Variants in C1QTNF3 observed in about 807,000 individuals in gnomAD.
The protein encoded by C1QTNF3 is C1q and TNF related 3.
Under a neutral mutation model 32.6 loss-of-function variants are expected in C1QTNF3, and 26 were observed. That is an observed-to-expected ratio of 0.80 (90% confidence interval 0.58 to 1.11). The LOEUF (loss-of-function observed/expected upper bound fraction) is 1.11, where lower values mean the gene tolerates loss of function less well. C1QTNF3 is among the 50% of genes least tolerant of loss of function. The pLI, the probability that C1QTNF3 is intolerant of heterozygous loss-of-function variation, is 0.00. For missense variants in C1QTNF3, 362 were observed against 398.2 expected (o/e 0.91, Z 0.77); for synonymous variants, 155 against 146.0 (o/e 1.06, Z -0.44).
chr5:34,079,297 A>G, the C1QTNF3 span, among the ~76,000 whole-genome samples: 16 of 151,538 alleles, frequency 1.1e-4, no homozygotes, highest in African/African-American at 4.9e-5. Context: ...CTCACCTACT[A>G]TCTTCCAATC....
chr5:34,154,925 T>C, the C1QTNF3 span, among the ~76,000 whole-genome samples: 1 of 152,192 alleles, frequency 6.6e-6, no homozygotes, highest in Non-Finnish European at 1.5e-5. Context: ...CACTGGTGTA[T>C]GCATGAAGCA....
chr5:34,081,178 G>A, the C1QTNF3 span, among the ~76,000 whole-genome samples: 5,004 of 151,630 alleles, frequency 0.033, 445 homozygotes, highest in African/African-American at 0.12. Context: ...TACAGTAGGC[G>A]CAGTGCCTAA....
At chr5:34,028,134 G>A (rs950386729) in intron 4 of C1QTNF3, among the ~76,000 whole-genome samples, 9 of 152,062 alleles carry the variant, frequency 5.9e-5, no homozygotes, top group African/African-American at 2.2e-4. Flanking sequence ...CACCACGCCC[G>A]GCTAATATTT....
chr5:34,133,941 C>A, the C1QTNF3 span, among the ~76,000 whole-genome samples: 1 of 152,152 alleles, frequency 6.6e-6, no homozygotes, highest in Non-Finnish European at 1.5e-5. Flanking sequence ...ACATATTTTT[C>A]TTTAGCCCAG....
At chr5:34,223,936 G>A in the C1QTNF3 span, among the ~76,000 whole-genome samples, 176 of 151,676 alleles carry the variant, frequency 1.2e-3, no homozygotes, top group Non-Finnish European at 2.1e-3. Context: ...TTAAGCTGAT[G>A]AGCAACTTCA....
At chr5:34,050,451 T>C in the C1QTNF3 span, among the ~76,000 whole-genome samples, 2 of 152,194 alleles carry the variant, frequency 1.3e-5, no homozygotes, top group African/African-American at 4.8e-5. Flanking sequence ...CAGACACTGT[T>C]TGTTGTTATT....
chr5:34,211,607 G>T, the C1QTNF3 span, among the ~76,000 whole-genome samples: 3 of 135,600 alleles, frequency 2.2e-5, no homozygotes, highest in African/African-American at 8.5e-5. Flanking sequence ...TGTTCTCATT[G>T]TTCAATTCCC....
At chr5:34,089,143 T>A in the C1QTNF3 span, among the ~76,000 whole-genome samples, 1 of 152,330 alleles carries the variant, frequency 6.6e-6, no homozygotes, top group South Asian at 2.1e-4. Context: ...AAATCTCTCC[T>A]GATTCTGTGG....
At chr5:34,157,534 C>G in the C1QTNF3 span, among the ~76,000 whole-genome samples, 10 of 152,090 alleles carry the variant, frequency 6.6e-5, no homozygotes, top group Admixed American at 6.5e-4. Flanking sequence ...TGATTAAGTA[C>G]CTTGAGATGA....
the C1QTNF3 span, among the ~76,000 whole-genome samples, chr5:34,176,862 T>C: frequency 9.1e-3 from 1,366 of 150,712 alleles, 16 homozygotes; most frequent in African/African-American, 0.031. Context: ...ATCTCATGAA[T>C]GAATGAATGA....
At chr5:34,178,216 G>A in the C1QTNF3 span, among the ~76,000 whole-genome samples, 24 of 151,792 alleles carry the variant, frequency 1.6e-4, no homozygotes, top group African/African-American at 5.8e-4. Context: ...GGGAGGCGGA[G>A]GTAGCAGTGA....
chr5:34,141,557 T>G, the C1QTNF3 span, among the ~76,000 whole-genome samples: 6 of 152,196 alleles, frequency 3.9e-5, no homozygotes, highest in African/African-American at 1.4e-4. Context: ...TTTTTGATAG[T>G]AGCCATCATC....
At chr5:34,056,153 T>C in the C1QTNF3 span, among the ~76,000 whole-genome samples, 1 of 152,072 alleles carries the variant, frequency 6.6e-6, no homozygotes, top group Non-Finnish European at 1.5e-5. Context: ...TCTGCTTTGA[T>C]TGAAAATTAT....
At chr5:34,066,643 A>T in the C1QTNF3 span, among the ~76,000 whole-genome samples, 1 of 152,138 alleles carries the variant, frequency 6.6e-6, no homozygotes, top group Admixed American at 6.5e-5. Flanking sequence ...AAACTGCAAT[A>T]TTTGAAAATG....
the C1QTNF3 span, among the ~76,000 whole-genome samples, chr5:34,155,387 G>C: frequency 6.6e-6 from 1 of 152,130 alleles, no homozygotes; most frequent in Non-Finnish European, 1.5e-5. Flanking sequence ...ATGTTGCCAA[G>C]TACCTTTTGA....
chr5:34,020,880 A>G, intron 5 of C1QTNF3, 138 bp from the exon 6 acceptor site: 2 of 837,480 alleles, frequency 2.4e-6, no homozygotes, highest in Non-Finnish European at 3.8e-6. Flanking sequence ...GTGAGCAGAA[A>G]TGACCTATGT....
chr5:34,213,777 G>GTATACATA, the C1QTNF3 span, among the ~76,000 whole-genome samples: 1 of 26,514 alleles, frequency 3.8e-5, no homozygotes, highest in South Asian at 1.4e-3. Flanking sequence ...ACACATACGT[G>GTATACATA]TATATATACA....
chr5:34,070,586 C>CA, the C1QTNF3 span, among the ~76,000 whole-genome samples: 2 of 151,910 alleles, frequency 1.3e-5, no homozygotes, highest in African/African-American at 4.8e-5. Flanking sequence ...TTAGAAACCT[C>CA]AAAAAATTCT....
upstream of C1QTNF3, among the ~76,000 whole-genome samples, chr5:34,045,155 T>C (rs963846968): frequency 2.0e-5 from 3 of 152,220 alleles, no homozygotes; most frequent in African/African-American, 7.2e-5. Context: ...AAGAGCTGTC[T>C]CTGGCTCTCA....
Sources: gnomAD v4.1 joint callset for allele counts (sites outside exome capture counted in the v4.1 genomes callset) on GRCh38, gnomAD v4.1.1 for gene constraint, MANE v1.5 for transcripts, NCBI Gene and HGNC (gene_info 2026-07-23, HGNC 2026-07-21) for gene names.